The following KIAA1217 variants were observed in gnomAD, a reference collection of about 807,000 sequenced individuals.
KIAA1217 encodes the protein KIAA1217, also known as sickle tail protein homolog.
A neutral mutation model predicts 163.9 loss-of-function variants in KIAA1217; 88 were observed. The observed-to-expected ratio is 0.54, with a 90% CI of 0.45 to 0.64. The LOEUF is 0.64. Ranked by LOEUF, KIAA1217 falls within the 30% of genes least tolerant of loss-of-function variation. KIAA1217 has a pLI of 0.00. For missense variants in KIAA1217, 2,372 were observed against 2,475.0 expected (o/e 0.96, Z 0.88); for synonymous variants, 903 against 923.1 (o/e 0.98, Z 0.39).
chr10:24,335,648 C>T (rs1056496895), intron 2 of KIAA1217, among the ~76,000 whole-genome samples: 1 of 148,082 alleles, frequency 6.8e-6, no homozygotes. Flanking sequence ...CTCGTTCTGT[C>T]GCCCAGGCTG....
rs540419039 is a variant in KIAA1217 at position 23,715,562 on chromosome 10, C to T, written c.-321+20328C>T. Among the ~76,000 whole-genome samples, 5 of 152,124 alleles carry T rather than the reference C, an allele frequency of 3.3e-5. No homozygotes were observed. The South Asian group carries it at 1.0e-3, about 32-fold the overall frequency. ...CAATTTTAGAGTCTCTTTGATGTAG[C>T]TATAAGATTTTACATTTCTTTTATG... is the stretch of plus-strand genomic sequence containing the variant. On this transcript the variant is annotated intron_variant, in intron 1 of 18. Transcript: ENST00000376462.
At position 24,473,949 on chromosome 10, in the gene KIAA1217, A is replaced by G; in HGVS notation, c.1568A>G (p.Lys523Arg). The change falls in exon 6 of 21, where the codon AAG becomes AGG. Residue 523 changes from lysine (K) to arginine (R), a missense_variant. Transcript: ENST00000376454. ...CCAGGCACCTTGGTGTATATAGAAA[A>G]GCCACGGAGCGCTGCAGGATTATCC... is the stretch of plus-strand genomic sequence containing the variant. Reference protein sequence around the residue: ...KEPGTLVYIEKPRSAAGLSSL... With the variant: ...KEPGTLVYIERPRSAAGLSSL... 1 of 1,614,146 alleles carries G rather than the reference A, an allele frequency of 6.2e-7. No individual in the cohort carries two copies. The highest frequency in any genetic ancestry group is 1.3e-5 in the African/African-American group (1 of 75,042).
At position 24,533,164 on chromosome 10, in the gene KIAA1217, C is replaced by G. The variant is rs747701724; in HGVS notation, c.3341C>G (p.Pro1114Arg). ...TCAGCCTGGACCCCATCCCCACCGCCTGTCACCACCTCCTCCTCAAAGGAT... is the reference window on the plus strand; with the variant it reads ...TCAGCCTGGACCCCATCCCCACCGCGTGTCACCACCTCCTCCTCAAAGGAT... ...PASAWTPSPP[P>R]VTTSSSKDEE... Residue 1114 changes from proline (P) to arginine (R), a missense_variant, in exon 16 of 21, where the codon CCT (proline) becomes CGT (arginine). Coordinates refer to ENST00000376454, the MANE Select transcript of KIAA1217 (RefSeq NM_019590.5). 7 of 1,613,742 alleles carry G rather than the reference C, an allele frequency of 4.3e-6. No homozygotes were observed. The highest frequency in any genetic ancestry group is 2.7e-5 in the African/African-American group (2 of 74,922).
intron 2 of KIAA1217, among the ~76,000 whole-genome samples, 164 bp downstream of exon 2, chr10:24,220,073 G>A (rs757058575): frequency 6.6e-6 from 1 of 152,194 alleles, no homozygotes; most frequent in African/African-American, 2.4e-5. Flanking sequence ...GAAGCCGGGT[G>A]TAGAAAACTT....
At chr10:23,998,097 T>C (rs1846576002) in intron 1 of KIAA1217, among the ~76,000 whole-genome samples, 1 of 152,108 alleles carries the variant, frequency 6.6e-6, no homozygotes, top group African/African-American at 2.4e-5. Context: ...CGTTTGGCTC[T>C]TTCTCCTTTG....
At chr10:24,450,938 T>A (rs1242671088) in intron 5 of KIAA1217, among the ~76,000 whole-genome samples, 1 of 152,250 alleles carries the variant, frequency 6.6e-6, no homozygotes. Context: ...TAATATATAA[T>A]GTTTACGTGG....
intron 3 of KIAA1217, among the ~76,000 whole-genome samples, chr10:24,425,041 CT>C (rs771247400): frequency 8.4e-4 from 128 of 152,336 alleles, no homozygotes; most frequent in Non-Finnish European, 1.6e-3. Flanking sequence ...TCTACCAACT[CT>C]ACTGAAAGCT....
chr10:23,751,551 A>G (rs968330870), intron 1 of KIAA1217, among the ~76,000 whole-genome samples: 10 of 151,794 alleles, frequency 6.6e-5, no homozygotes, highest in South Asian at 2.1e-4. Flanking sequence ...TTAAGATGCC[A>G]TTTCTCCAAC....
At chr10:23,907,850 T>A (rs1437932626) in intron 1 of KIAA1217, among the ~76,000 whole-genome samples, 1 of 152,064 alleles carries the variant, frequency 6.6e-6, no homozygotes, top group Admixed American at 6.5e-5. Context: ...CTGCTCCTCT[T>A]CTAGGCTTCC....
At chr10:23,943,760 T>C (rs1011081389) in intron 1 of KIAA1217, among the ~76,000 whole-genome samples, 3 of 152,202 alleles carry the variant, frequency 2.0e-5, no homozygotes, top group Non-Finnish European at 2.9e-5. Flanking sequence ...TATGGCAGTG[T>C]GGTAAGGATA....
At chr10:24,455,832 T>C (rs1160813293) in intron 5 of KIAA1217, among the ~76,000 whole-genome samples, 1 of 152,230 alleles carries the variant, frequency 6.6e-6, no homozygotes, top group East Asian at 1.9e-4. Context: ...CTTTTACATA[T>C]AGCCTGATCT....
At position 24,056,239 on chromosome 10, in the gene KIAA1217, G is replaced by T. The variant is rs532673019; in HGVS notation, c.-171+48865G>T. 1.3e-4 allele frequency among the ~76,000 whole-genome samples: 20 copies of T among 152,118 alleles called. No individual in the cohort carries two copies. In the East Asian group the frequency reaches 3.7e-3, roughly 28 times the overall value. On this transcript the variant is annotated intron_variant, in intron 2 of 18. Coordinates refer to the KIAA1217 transcript ENST00000376462. Reference sequence around the variant, plus strand: ...GATGCTTGGGGGTCTGAGATGGGAGGATCGCTTGAGCCTGGGAGATGGAGG... The same window carrying T: ...GATGCTTGGGGGTCTGAGATGGGAGTATCGCTTGAGCCTGGGAGATGGAGG...
chr10:24,364,944 A>G, intron 2 of KIAA1217, among the ~76,000 whole-genome samples: 1 of 151,914 alleles, frequency 6.6e-6, no homozygotes. Flanking sequence ...GACTACAGGC[A>G]CTTGTCACCA....
intron 1 of KIAA1217, among the ~76,000 whole-genome samples, chr10:23,758,111 A>G (rs1455399968): frequency 6.6e-6 from 1 of 152,114 alleles, no homozygotes; most frequent in Non-Finnish European, 1.5e-5. Flanking sequence ...TGGTGTTATC[A>G]TATATAAGAA....
chr10:24,372,408 G>C lies in KIAA1217; in HGVS notation c.355-8461G>C, dbSNP rs191447622. ...CGTTTCAGTTCTTTGATACTTTTTT[G>C]AGAGTCCTAAAGGTGTTTCCTGAGG... On this transcript the variant is annotated intron_variant, in intron 2 of 20. Coordinates refer to ENST00000376454, the MANE Select transcript of KIAA1217 (RefSeq NM_019590.5). Among the ~76,000 whole-genome samples, 660 of 152,256 alleles carry C rather than the reference G, an allele frequency of 4.3e-3. 6 individuals carry two copies. Among genetic ancestry groups the C allele is most frequent in the African/African-American group, 0.015 (637 of 41,530 alleles).
rs1254235321 is a variant in KIAA1217 at position 23,899,950 on chromosome 10, C to G, written c.-320-107275C>G. ...TTCCTTCTTCCCTCCCTTCCTCTCT[C>G]TCTTTCTCTCTCCCTCTGTCTCTTC... On this transcript the variant is annotated intron_variant, in intron 1 of 18. Coordinates refer to the KIAA1217 transcript ENST00000376462. Among the ~76,000 whole-genome samples, 5 of 151,350 alleles carry G rather than the reference C, an allele frequency of 3.3e-5. No homozygotes were observed. The East Asian group carries it at 9.8e-4, about 30-fold the overall frequency.
intron 1 of KIAA1217, among the ~76,000 whole-genome samples, chr10:23,742,809 A>C (rs1043141087): frequency 3.3e-5 from 5 of 152,200 alleles, no homozygotes; most frequent in Admixed American, 3.3e-4. Flanking sequence ...TCAAACACTG[A>C]TGAACAGCCA....
chr10:24,449,796 T>C, intron 5 of KIAA1217: 2 of 950,432 alleles, frequency 2.1e-6, no homozygotes, highest in Non-Finnish European at 2.5e-6. Context: ...TAGGATATTA[T>C]CTTTAGAATC....
intron 2 of KIAA1217, among the ~76,000 whole-genome samples, chr10:24,067,461 A>T (rs1367258686): frequency 1.3e-5 from 2 of 152,080 alleles, no homozygotes; most frequent in Non-Finnish European, 2.9e-5. Flanking sequence ...AACAGCGGAT[A>T]TTGGTGAACC....
Sources: allele counts gnomAD v4.1 joint callset (sites outside exome capture counted in the v4.1 genomes callset), GRCh38; gene constraint gnomAD v4.1.1; transcripts MANE v1.5; gene names NCBI Gene and HGNC (gene_info 2026-07-23, HGNC 2026-07-21).